BLZF1: variants seen among roughly 807,000 people sequenced by gnomAD.
The protein encoded by BLZF1 is basic leucine zipper nuclear factor 1, also known as golgin-45.
BLZF1 carries 39 observed loss-of-function variants against 43.8 expected under a neutral mutation model. The observed-to-expected ratio is 0.89, with a 90% CI of 0.69 to 1.16. The LOEUF (loss-of-function observed/expected upper bound fraction) is 1.16, where lower values mean the gene tolerates loss of function less well. BLZF1 is among the 50% of genes most tolerant of loss of function. BLZF1 has a pLI of 0.00. For synonymous variants in BLZF1, 136 were observed against 159.4 expected (o/e 0.85, Z 1.11); for missense variants, 449 against 469.8 (o/e 0.96, Z 0.41).
chr1:169,376,828 A>G lies in BLZF1; in HGVS notation c.317A>G (p.Lys106Arg). ...AAGGTTAAGTCTCTGGGACATCATA[A>G]AGGAGAATTCCTTGGTCAGTCAGAG... ...NTKVKSLGHHKGEFLGQSEGV... is the reference protein window; with the variant it reads ...NTKVKSLGHHRGEFLGQSEGV... Residue 106 changes from lysine to arginine, a missense_variant, in exon 3 of 7, where the codon AAA becomes AGA. Transcript: ENST00000367808. 6.2e-7 allele frequency: 1 copy of G among 1,613,490 alleles called. No individual in the cohort carries two copies. The highest frequency in any genetic ancestry group is 8.5e-7 in the Non-Finnish European group (1 of 1,179,598).
chr1:169,375,393 C>CATATATAT (rs58679820), intron 2 of BLZF1, among the ~76,000 whole-genome samples: 3,666 of 85,332 alleles, frequency 0.043, 257 homozygotes, highest in Non-Finnish European at 0.052. Flanking sequence ...ATATATAAAA[C>CATATATAT]ATATATATAT....
At chr1:169,390,743 C>T (rs988625774), downstream of BLZF1, among the ~76,000 whole-genome samples, 1 of 152,122 alleles carries the variant, frequency 6.6e-6, no homozygotes, top group Non-Finnish European at 1.5e-5. Context: ...GTCTAAATTA[C>T]ACTTTTTCTT....
At chr1:169,389,294 C>CAAAAA (rs558564302), downstream of BLZF1, among the ~76,000 whole-genome samples, 1 of 147,666 alleles carries the variant, frequency 6.8e-6, no homozygotes, top group Non-Finnish European at 1.5e-5. Flanking sequence ...AACTTCCTCT[C>CAAAAA]AAAAAAAAAC....
chr1:169,394,825 T>C (rs1316580993), intron 7 of BLZF1: 2 of 351,378 alleles, frequency 5.7e-6, no homozygotes, highest in African/African-American at 4.2e-5. Flanking sequence ...ATAGAATTCA[T>C]TCGTTGTTCA....
downstream of BLZF1, chr1:169,388,428 A>T (rs557624623): frequency 1.3e-5 from 2 of 152,358 alleles, no homozygotes; most frequent in East Asian, 3.9e-4. Context: ...AAGTCTCAGA[A>T]GAAAGCATAA....
At chr1:169,391,520 A>G (rs148891595), downstream of BLZF1, among the ~76,000 whole-genome samples, 10 of 152,330 alleles carry the variant, frequency 6.6e-5, no homozygotes, top group East Asian at 1.9e-3. Flanking sequence ...CTCGTGGCCC[A>G]ATAACGAGAT....
intron 2 of BLZF1, among the ~76,000 whole-genome samples, chr1:169,372,741 C>T (rs973432220): frequency 6.6e-6 from 1 of 152,122 alleles, no homozygotes; most frequent in South Asian, 2.1e-4. Flanking sequence ...CTTAGAGTAC[C>T]TCTCATCATA....
At chr1:169,395,532 G>C (rs1179052556) in intron 7 of BLZF1, among the ~76,000 whole-genome samples, 1 of 151,934 alleles carries the variant, frequency 6.6e-6, no homozygotes, top group East Asian at 1.9e-4. Flanking sequence ...CTTACTATTT[G>C]GTAGATTCCA....
At chr1:169,389,572 A>G (rs1341808216), downstream of BLZF1, among the ~76,000 whole-genome samples, 2 of 152,336 alleles carry the variant, frequency 1.3e-5, no homozygotes, top group East Asian at 3.9e-4. Context: ...TATTAAACAT[A>G]GAGTTACCAT....
At chr1:169,376,200 A>ATT (rs1053525336) in intron 2 of BLZF1, among the ~76,000 whole-genome samples, 1 of 151,954 alleles carries the variant, frequency 6.6e-6, no homozygotes, top group African/African-American at 2.4e-5. Flanking sequence ...ATCTTATTAC[A>ATT]TTTTTTCTTA....
intron 2 of BLZF1, among the ~76,000 whole-genome samples, chr1:169,373,075 G>A: frequency 6.6e-6 from 1 of 151,306 alleles, no homozygotes; most frequent in East Asian, 1.9e-4. Context: ...TTACCTTTTG[G>A]TTCACAAAGC....
chr1:169,382,199 G>A lies in BLZF1; in HGVS notation c.935G>A (p.Gly312Glu). 6.2e-7 allele frequency: 1 copy of A among 1,613,654 alleles called. No homozygotes were observed. The change falls in exon 6 of 7, where the codon GGA (glycine) becomes GAA (glutamate). Residue 312 changes from glycine (G) to glutamate (E), a missense_variant. Gly to Glu is a moderately conservative substitution (Grantham distance 98). Transcript: ENST00000367808. ...LAKAVNSHLL[G>E]NVGINNQKKI... is the part of the protein sequence containing the mutation. ...AAAGCAGTAAATTCTCATCTTCTGG[G>A]AAATGTTGGCATTAACAATCAAAAA...
intron 2 of BLZF1, among the ~76,000 whole-genome samples, chr1:169,370,409 C>T (rs192284887): frequency 1.3e-5 from 2 of 152,286 alleles, no homozygotes; most frequent in Admixed American, 1.3e-4. Context: ...GATTTGTCCT[C>T]TCTAATATTT....
At chr1:169,389,014 T>G (rs561549022), downstream of BLZF1, among the ~76,000 whole-genome samples, 27 of 152,136 alleles carry the variant, frequency 1.8e-4, no homozygotes, top group Non-Finnish European at 3.8e-4. Context: ...TCCCAGCTAC[T>G]CGGGAGGCTG....
chr1:169,381,763 C>G (rs547468337), intron 5 of BLZF1, among the ~76,000 whole-genome samples: 1 of 152,142 alleles, frequency 6.6e-6, no homozygotes, highest in East Asian at 1.9e-4. Context: ...AAAGAAAAAC[C>G]GTATGAATAT....
intron 5 of BLZF1, 79 bp from the exon 6 acceptor site, chr1:169,381,983 T>A: frequency 9.7e-7 from 1 of 1,028,944 alleles, no homozygotes; most frequent in Non-Finnish European, 1.4e-6. Flanking sequence ...TCAGAAATAT[T>A]TGTATTACCT....
At chr1:169,392,536 G>A (rs1654839073), downstream of BLZF1, among the ~76,000 whole-genome samples, 1 of 152,180 alleles carries the variant, frequency 6.6e-6, no homozygotes, top group South Asian at 2.1e-4. Flanking sequence ...GTGATATTGC[G>A]ATAGAAGAAA....
intron 2 of BLZF1, among the ~76,000 whole-genome samples, chr1:169,373,363 A>G (rs1272896237): frequency 1.3e-5 from 2 of 152,198 alleles, no homozygotes; most frequent in Non-Finnish European, 2.9e-5. Flanking sequence ...ACTCATAATT[A>G]TGGAGCTGTT....
Position 169,388,163 on chromosome 1 carries a change from G to T in BLZF1, c.*981G>T, listed in dbSNP as rs903835033. ...TATTTATATTAAATTATACAAATTT[G>T]TTGCAGAAGTGCCTGTGAGAGAAAT... On this transcript the variant is annotated 3_prime_UTR_variant, in exon 7 of 7. Coordinates refer to ENST00000367808, the MANE Select transcript of BLZF1 (RefSeq NM_001320973.2). 9 of 152,014 alleles carry T rather than the reference G, an allele frequency of 5.9e-5. No individual in the cohort carries two copies. The highest frequency in any genetic ancestry group is 1.5e-5 in the Non-Finnish European group (1 of 67,984). 9.4% of individuals were successfully genotyped at this position (152,014 alleles called of 1,614,324 possible).
Sources: gnomAD v4.1 joint callset for allele counts (sites outside exome capture counted in the v4.1 genomes callset) on GRCh38, gnomAD v4.1.1 for gene constraint, MANE v1.5 for transcripts, NCBI Gene and HGNC (gene_info 2026-07-23, HGNC 2026-07-21) for gene names.